The following TCERG1 variants were observed in gnomAD, a reference collection of about 807,000 sequenced individuals.
The protein encoded by TCERG1 is transcription elongation regulator 1.
Under a neutral mutation model 144.7 loss-of-function variants are expected in TCERG1, and 37 were observed. The observed-to-expected ratio is 0.26, with a 90% CI of 0.20 to 0.34. The LOEUF (loss-of-function observed/expected upper bound fraction) is 0.34, where lower values mean the gene tolerates loss of function less well. Among genes scored for constraint, TCERG1 ranks in the 10% least tolerant of loss-of-function variants. The probability of loss-of-function intolerance (pLI) is 1.00; values close to 1 mark genes in which losing one functional copy is unlikely to be tolerated. For synonymous variants in TCERG1, 492 were observed against 458.2 expected, an observed-to-expected ratio of 1.07 and a Z score of -0.94; for missense variants, 1,027 against 1,380.7, an observed-to-expected ratio of 0.74 and a Z score of 4.06.
At chr5:146,497,034 A>T (rs1766984166) in intron 16 of TCERG1, among the ~76,000 whole-genome samples, 1 of 150,516 alleles carries the variant, frequency 6.6e-6, no homozygotes, top group Admixed American at 6.6e-5. Context: ...CTCCCAGCTA[A>T]TTTTTTTTGT....
intron 14 of TCERG1, 91 bp downstream of exon 14, chr5:146,482,818 CATGTT>C: frequency 1.4e-6 from 2 of 1,386,390 alleles, no homozygotes; most frequent in Non-Finnish European, 1.9e-6. Context: ...GGTTAGTGCT[CATGTT>C]ATGGGGGGGG....
intron 10 of TCERG1, among the ~76,000 whole-genome samples, chr5:146,479,053 C>G (rs968227489): frequency 1.3e-5 from 2 of 152,080 alleles, no homozygotes; most frequent in African/African-American, 4.8e-5. Flanking sequence ...AAATCTCAAT[C>G]TTTTGAATTA....
chr5:146,461,262 A>G (rs993018995), intron 4 of TCERG1, among the ~76,000 whole-genome samples: 6 of 152,130 alleles, frequency 3.9e-5, no homozygotes, highest in African/African-American at 7.2e-5. Context: ...TTAAACATCA[A>G]TTTTGATGTT....
Position 146,467,218 on chromosome 5 carries a change from T to C in TCERG1, c.1136-1123T>C, listed in dbSNP as rs779762796. 8.3e-4 allele frequency among the ~76,000 whole-genome samples: 126 copies of C among 152,186 alleles called. 1 individual carries two copies. The highest frequency in any genetic ancestry group is 1.2e-3 in the Admixed American group (18 of 15,286). On this transcript the variant is annotated intron_variant, in intron 5 of 22. Transcript: ENST00000679501. ...GTTTGCTTGTGTGAACATAGTTAAA[T>C]TGTATACAAACCCAGGAGTTTAATT...
At chr5:146,505,368 G>C (rs1767884714) in intron 19 of TCERG1, 1 of 152,184 alleles carries the variant, frequency 6.6e-6, no homozygotes, top group African/African-American at 2.4e-5. Context: ...GGGGATGAAG[G>C]TTCTCTTTAC....
intron 4 of TCERG1, among the ~76,000 whole-genome samples, chr5:146,459,975 G>T (rs371293827): frequency 7.7e-4 from 118 of 152,300 alleles, no homozygotes; most frequent in African/African-American, 2.8e-3. Flanking sequence ...GGTGAGACAG[G>T]CACTGGGGGC....
At chr5:146,484,788 A>G (rs1765676595) in intron 15 of TCERG1, among the ~76,000 whole-genome samples, 2 of 152,052 alleles carry the variant, frequency 1.3e-5, no homozygotes, top group South Asian at 4.1e-4. Context: ...TCTATAATCT[A>G]CCTTCAAAAA....
Position 146,459,099 on chromosome 5 carries a change from G to GGCCCAGGCCCAAGCCCAA in TCERG1, c.666_683dup (p.Ala237_Gln242dup). ...AGGCCCAGGCCCAGGCCCAGGCCCA[G>GGCCCAGGCCCAAGCCCAA]GCCCAGGCCCAAGCCCAAGCCCAGG... On this transcript the variant is annotated inframe_insertion, in exon 4 of 23. Transcript: ENST00000679501. The GGCCCAGGCCCAAGCCCAA allele has an allele frequency of 6.6e-7, 1 of 1,525,308 alleles. No individual in the cohort carries two copies. The highest frequency in any genetic ancestry group is 9.0e-7 in the Non-Finnish European group (1 of 1,108,628). 94.5% of individuals were successfully genotyped at this position (1,525,308 alleles called of 1,614,324 possible). A position where few individuals can be genotyped will look rare whatever the true frequency, so the allele number is the denominator to read the frequency against.
intron 15 of TCERG1, among the ~76,000 whole-genome samples, chr5:146,487,731 CAAAAAA>C (rs60367472): frequency 4.6e-5 from 5 of 108,078 alleles, no homozygotes; most frequent in Middle Eastern, 6.5e-3. Flanking sequence ...GACCCTGTTT[CAAAAAA>C]AAAAAAAAAA....
chr5:146,454,055 A>C lies in TCERG1; in HGVS notation c.60-1001A>C, dbSNP rs1762601624. On this transcript the variant is annotated intron_variant, in intron 1 of 22. Transcript: ENST00000679501. ...TCAAATACAAAAAAAAAAAAAAAAA[A>C]AAAAAATTAGCCGGGCATGGTGGCG... 3.9e-5 allele frequency among the ~76,000 whole-genome samples: 4 copies of C among 102,256 alleles called. No homozygotes were observed. The South Asian group carries it at 9.9e-4, about 25-fold the overall frequency. 67.1% of individuals were successfully genotyped at this position (102,256 alleles called of 152,430 possible).
At chr5:146,485,612 A>G (rs939169747) in intron 15 of TCERG1, among the ~76,000 whole-genome samples, 1 of 152,216 alleles carries the variant, frequency 6.6e-6, no homozygotes, top group Non-Finnish European at 1.5e-5. Context: ...ACGTTTGAAA[A>G]GAGAAAATAT....
At position 146,469,601 on chromosome 5, in the gene TCERG1, T is replaced by C; in HGVS notation, c.1256T>C (p.Ile419Thr). The C allele has an allele frequency of 1.2e-6, 2 of 1,613,296 alleles. No homozygotes were observed. The highest frequency in any genetic ancestry group is 1.7e-6 in the Non-Finnish European group (2 of 1,179,542). The change falls in exon 7 of 23, where the codon ATT (isoleucine) becomes ACT (threonine). Residue 419 changes from isoleucine to threonine, a missense_variant. By Grantham distance (89) the Ile-to-Thr change is moderately conservative. Coordinates refer to ENST00000679501, the MANE Select transcript of TCERG1 (RefSeq NM_001382548.1). ...IVPMIHPQVA[I>T]AASPATLAGA... is the part of the protein sequence containing the mutation. ...CCCATGATACATCCCCAGGTTGCTATTGCAGCTTCACCTGCTACCTTAGCT... is the reference window on the plus strand; with the variant it reads ...CCCATGATACATCCCCAGGTTGCTACTGCAGCTTCACCTGCTACCTTAGCT...
At chr5:146,470,493 A>G in intron 7 of TCERG1, 143 bp from the exon 8 acceptor site, 3 of 663,680 alleles carry the variant, frequency 4.5e-6, no homozygotes, top group Non-Finnish European at 7.5e-6. Context: ...ATTACATAAG[A>G]TTCAAATCAA....
chr5:146,500,703 A>G (rs901843733), intron 17 of TCERG1, among the ~76,000 whole-genome samples: 4 of 152,150 alleles, frequency 2.6e-5, no homozygotes, highest in Admixed American at 1.3e-4. Flanking sequence ...CTAGTTTTCC[A>G]TTTTATTAAA....
At chr5:146,471,664 T>C (rs1764317930) in intron 9 of TCERG1, 88 bp downstream of exon 9, 3 of 1,116,748 alleles carry the variant, frequency 2.7e-6, no homozygotes, top group Admixed American at 4.3e-5. Flanking sequence ...AGTGGCACGA[T>C]CTGGGCTCAC....
chr5:146,492,458 CTG>C (rs1057416251), intron 15 of TCERG1, among the ~76,000 whole-genome samples: 3 of 152,010 alleles, frequency 2.0e-5, no homozygotes, highest in Admixed American at 6.6e-5. Flanking sequence ...ATTATCTTGA[CTG>C]TATTATTAAG....
Position 146,468,045 on chromosome 5 carries a change from A to T in TCERG1, c.1136-296A>T, listed in dbSNP as rs1243575597. 2.6e-5 allele frequency among the ~76,000 whole-genome samples: 4 copies of T among 152,114 alleles called. No individual in the cohort carries two copies. In the East Asian group the frequency reaches 7.7e-4, roughly 29 times the overall value. ...AAAATGTCCCACATGAGAATTTGTTATGTATGTGTAATGAAGGGGCTTTCT... is the reference window on the plus strand; with the variant it reads ...AAAATGTCCCACATGAGAATTTGTTTTGTATGTGTAATGAAGGGGCTTTCT... On this transcript the variant is annotated intron_variant, in intron 5 of 22. Transcript: ENST00000679501.
chr5:146,448,578 T>C (rs567059485), intron 1 of TCERG1, among the ~76,000 whole-genome samples: 1 of 152,264 alleles, frequency 6.6e-6, no homozygotes, highest in Admixed American at 6.5e-5. Context: ...AAGACTCTGT[T>C]GATACTGTCT....
At chr5:146,497,315 C>T (rs777850277) in intron 16 of TCERG1, among the ~76,000 whole-genome samples, 1 of 152,134 alleles carries the variant, frequency 6.6e-6, no homozygotes. Context: ...GGATTACAGG[C>T]GTCAGCTACT....
Sources: gnomAD v4.1 joint callset for allele counts (sites outside exome capture counted in the v4.1 genomes callset) on GRCh38, gnomAD v4.1.1 for gene constraint, MANE v1.5 for transcripts, NCBI Gene and HGNC (gene_info 2026-07-23, HGNC 2026-07-21) for gene names.